The following C18orf54 variants were observed in gnomAD, a reference collection of about 807,000 sequenced individuals.
C18orf54 encodes the protein lung adenoma susceptibility protein 2.
Under a neutral mutation model 49.3 loss-of-function variants are expected in C18orf54, and 49 were observed. The ratio of observed to expected loss-of-function variants is 0.99; its 90% CI spans 0.79 to 1.26. The LOEUF is 1.26. Among genes scored for constraint, C18orf54 ranks in the 50% most tolerant of loss-of-function variants. The pLI is 0.00. For synonymous variants in C18orf54, 211 were observed against 216.6 expected (o/e 0.97, Z 0.23); for missense variants, 687 against 620.6 (o/e 1.11, Z -1.14).
At chr18:54,365,077 C>T (rs895149128) in intron 5 of C18orf54, among the ~76,000 whole-genome samples, 1 of 151,910 alleles carries the variant, frequency 6.6e-6, no homozygotes, top group Non-Finnish European at 1.5e-5. Flanking sequence ...ATTAAATGTA[C>T]TAGGTACATA....
intron 5 of C18orf54, among the ~76,000 whole-genome samples, chr18:54,365,116 C>T (rs2089356224): frequency 6.6e-6 from 1 of 151,922 alleles, no homozygotes; most frequent in African/African-American, 2.4e-5. Flanking sequence ...TGCAATATGT[C>T]TGTGAGATAG....
At chr18:54,369,643 A>G (rs1176118691) in intron 6 of C18orf54, among the ~76,000 whole-genome samples, 1 of 151,600 alleles carries the variant, frequency 6.6e-6, no homozygotes, top group African/African-American at 2.4e-5. Flanking sequence ...TAATTTTTGT[A>G]TTTTTAGTAG....
At chr18:54,366,343 T>C (rs574997701) in intron 6 of C18orf54, among the ~76,000 whole-genome samples, 5 of 152,100 alleles carry the variant, frequency 3.3e-5, no homozygotes, top group African/African-American at 1.2e-4. Flanking sequence ...TTCTATGAGA[T>C]CAGCTAGTAA....
At chr18:54,374,080 A>G in intron 7 of C18orf54, 134 bp from the exon 8 acceptor site, 3 of 818,838 alleles carry the variant, frequency 3.7e-6, no homozygotes, top group Non-Finnish European at 5.3e-6. Flanking sequence ...AAAAATATTT[A>G]ATACTCTTGA....
At chr18:54,369,589 C>T (rs1485093076) in intron 6 of C18orf54, among the ~76,000 whole-genome samples, 1 of 151,310 alleles carries the variant, frequency 6.6e-6, no homozygotes, top group Admixed American at 6.6e-5. Context: ...CTGCATTAGC[C>T]TCCCAGGTAG....
Position 54,378,267 on chromosome 18 carries a change from C to T in C18orf54, c.*21C>T, listed in dbSNP as rs2089609938. 26 of 1,599,182 alleles carry T rather than the reference C, an allele frequency of 1.6e-5. No homozygotes were observed. The highest frequency in any genetic ancestry group is 2.1e-5 in the Non-Finnish European group (25 of 1,166,938). On this transcript the variant is annotated 3_prime_UTR_variant, in exon 9 of 9. Transcript: ENST00000620105. ...TGTGAAGAGGAAAATGAAACTGTCA[C>T]CACAATGAATAGTCACCACAGAACA...
intron 5 of C18orf54, 84 bp downstream of exon 5, chr18:54,363,005 G>C (rs2089303400): frequency 2.3e-6 from 3 of 1,302,150 alleles, no homozygotes; most frequent in Admixed American, 2.4e-5. Context: ...TAAACGAACG[G>C]TAATTAATAA....
chr18:54,372,699 A>G (rs950799569), intron 7 of C18orf54, 102 bp downstream of exon 7: 7 of 1,089,200 alleles, frequency 6.4e-6, no homozygotes, highest in Non-Finnish European at 6.5e-6. Flanking sequence ...GTTAGTAAGC[A>G]TGCCACATTA....
chr18:54,361,596 TATAAA>T, intron 3 of C18orf54, 42 bp from the exon 4 acceptor site: 1 of 1,434,996 alleles, frequency 7.0e-7, no homozygotes, highest in Non-Finnish European at 9.4e-7. Context: ...TGTTGGATAT[TATAAA>T]ATATTTGTAT....
Position 54,362,932 on chromosome 18 carries a change from G to T in C18orf54, c.1223+11G>T. ...TATTCCTGTTACTTTGTAAGTAAGT[G>T]GCAATGGAAAAACTGTTTAGTTTTC... On this transcript the variant is annotated intron_variant, in intron 5 of 8. Transcript: ENST00000620105. 1 of 1,580,386 alleles carries T rather than the reference G, an allele frequency of 6.3e-7. No individual in the cohort carries two copies. The highest frequency in any genetic ancestry group is 8.5e-7 in the Non-Finnish European group (1 of 1,169,774).
Position 54,378,486 on chromosome 18 carries a change from AC to A in C18orf54, c.*241del, listed in dbSNP as rs1221176890. 3.5e-6 allele frequency: 1 copy of A among 289,430 alleles called. No homozygotes were observed. The highest frequency in any genetic ancestry group is 6.4e-6 in the Non-Finnish European group (1 of 156,776). The allele number at this position is 289,430 out of a possible 1,614,324, so 17.9% of individuals were successfully genotyped here. On this transcript the variant is annotated 3_prime_UTR_variant, in exon 9 of 9. Coordinates refer to ENST00000620105, the MANE Select transcript of C18orf54 (RefSeq NM_001288980.2). ...GACCCACAATATATCCTGAAGTCTT[AC>A]TTTCGCCTTCTGGCCAGCAAATGTC...
intron 2 of C18orf54, 132 bp downstream of exon 2, chr18:54,359,002 A>G (rs2089206085): frequency 2.0e-5 from 3 of 152,252 alleles, no homozygotes; most frequent in African/African-American, 7.2e-5. Context: ...TGGAAGCAGG[A>G]TGATGAGTAC....
At chr18:54,372,148 A>G (rs2144746407) in intron 6 of C18orf54, among the ~76,000 whole-genome samples, 1 of 152,142 alleles carries the variant, frequency 6.6e-6, no homozygotes, top group South Asian at 2.1e-4. Flanking sequence ...AAGACCTTTC[A>G]TTTCATTTAC....
rs915271397 is a variant in C18orf54, at chr18:54,366,172, A to G, written c.1326+351A>G. Among the ~76,000 whole-genome samples, 7 of 151,780 alleles carry G rather than the reference A, an allele frequency of 4.6e-5. No homozygotes were observed. In the South Asian group the frequency reaches 6.2e-4, roughly 13 times the overall value. ...TCTTTAAGGTATTTGGAAATATATA[A>G]TAATTTATTGTTAGTTATAGTCAGC... On this transcript the variant is annotated intron_variant, in intron 6 of 8. Transcript: ENST00000620105.
chr18:54,358,416 A>AT (rs2089191673), intron 1 of C18orf54, among the ~76,000 whole-genome samples: 1 of 152,196 alleles, frequency 6.6e-6, no homozygotes, highest in Admixed American at 6.5e-5. Context: ...CCTTCAGTCC[A>AT]TTGCTGCGCT....
rs1473438689 is a variant in C18orf54 at position 54,378,606 on chromosome 18, A to G, written c.*360A>G. 1 of 159,766 alleles carries G rather than the reference A, an allele frequency of 6.3e-6. No individual in the cohort carries two copies. Among genetic ancestry groups the G allele is most frequent in the East Asian group, 1.8e-4 (1 of 5,676 alleles). The allele number at this position is 159,766 out of a possible 1,614,324, so 9.9% of individuals were successfully genotyped here. ...ACATTTTATTACCTGGTTCAGGATC[A>G]TTAAGAAACTTACTGGTTTTTATCC... is the stretch of plus-strand genomic sequence containing the variant. On this transcript the variant is annotated 3_prime_UTR_variant, in exon 9 of 9. Coordinates refer to ENST00000620105, the MANE Select transcript of C18orf54 (RefSeq NM_001288980.2).
intron 8 of C18orf54, among the ~76,000 whole-genome samples, chr18:54,374,918 C>T (rs753890798): frequency 6.6e-6 from 1 of 151,874 alleles, no homozygotes; most frequent in African/African-American, 2.4e-5. Flanking sequence ...CACTTGGCTA[C>T]CTTTTGTACT....
At chr18:54,358,675 C>T (rs1370543316) in intron 1 of C18orf54, 99 bp from the exon 2 acceptor site, 1 of 152,262 alleles carries the variant, frequency 6.6e-6, no homozygotes, top group African/African-American at 2.4e-5. Flanking sequence ...CCTTTCCTAA[C>T]TTAGCAGTCA....
rs1003189440 is a variant in C18orf54, at chr18:54,360,870, T to A, written c.283+15T>A. 6.3e-7 allele frequency: 1 copy of A among 1,594,616 alleles called. No homozygotes were observed. Among genetic ancestry groups the A allele is most frequent in the African/African-American group, 1.3e-5 (1 of 74,416 alleles). ...ACCAAACAATGGTATGCTTTTATTC[T>A]TTGTTTTCTTTGTGTTCAGATGTTT... is the stretch of plus-strand genomic sequence containing the variant. On this transcript the variant is annotated intron_variant, in intron 3 of 8. Coordinates refer to ENST00000620105, the MANE Select transcript of C18orf54 (RefSeq NM_001288980.2).
Sources: allele counts gnomAD v4.1 joint callset (sites outside exome capture counted in the v4.1 genomes callset), GRCh38; gene constraint gnomAD v4.1.1; transcripts MANE v1.5; gene names NCBI Gene and HGNC (gene_info 2026-07-23, HGNC 2026-07-21).